The following ANKFY1 variants were observed in gnomAD, a reference collection of about 807,000 sequenced individuals.
ANKFY1 encodes the protein ankyrin repeat and FYVE domain containing 1.
ANKFY1 carries 47 observed loss-of-function variants against 128.3 expected under a neutral mutation model. The ratio of observed to expected loss-of-function variants is 0.37; its 90% CI spans 0.29 to 0.47. The LOEUF (loss-of-function observed/expected upper bound fraction) is 0.47. ANKFY1 is among the 20% of genes least tolerant of loss of function. The pLI, the probability that ANKFY1 is intolerant of heterozygous loss-of-function variation, is 1.00. For missense variants in ANKFY1, 1,222 were observed against 1,510.6 expected (o/e 0.81, Z 3.17); for synonymous variants, 553 against 601.6 (o/e 0.92, Z 1.18).
intron 4 of ANKFY1, among the ~76,000 whole-genome samples, chr17:4,214,629 G>A (rs1410799721): frequency 1.3e-5 from 2 of 150,788 alleles, no homozygotes; most frequent in Non-Finnish European, 2.9e-5. Context: ...AGGTTCAAGC[G>A]ATTCTCCTGC....
chr17:4,210,946 T>A (rs368403330), intron 4 of ANKFY1, among the ~76,000 whole-genome samples: 29 of 141,438 alleles, frequency 2.1e-4, no homozygotes, highest in African/African-American at 7.7e-4. Context: ...ACAGGAGAAT[T>A]GCTTGAACCC....
intron 1 of ANKFY1, among the ~76,000 whole-genome samples, chr17:4,244,004 T>C (rs1220890697): frequency 1.3e-5 from 2 of 151,924 alleles, no homozygotes; most frequent in Non-Finnish European, 2.9e-5. Flanking sequence ...AATCTTGGCT[T>C]ACTGCAACCT....
At position 4,230,901 on chromosome 17, in the gene ANKFY1, T is replaced by C. The variant is rs979675746; in HGVS notation, c.322+4871A>G. The stretch of plus-strand genomic sequence containing the variant: ...ATTAATACAGCTTATATAACCATAG[T>C]ACAATGATCAAAATTAGGTAACTAC... On this transcript the variant is annotated intron_variant, in intron 3 of 24. Transcript: ENST00000341657. Among the ~76,000 whole-genome samples the C allele has an allele frequency of 2.0e-5, 3 of 152,350 alleles. No individual in the cohort carries two copies. The East Asian group carries it at 5.8e-4, about 29-fold the overall frequency.
intron 4 of ANKFY1, 81 bp downstream of exon 4, chr17:4,216,902 A>C (rs968272869): frequency 1.9e-6 from 3 of 1,584,168 alleles, no homozygotes; most frequent in Non-Finnish European, 2.6e-6. Context: ...TTAGCAGAAG[A>C]AGCTGTTTTC....
intron 13 of ANKFY1, 23 bp downstream of exon 13, chr17:4,183,789 C>A (rs762730398): frequency 1.3e-6 from 2 of 1,590,808 alleles, no homozygotes; most frequent in Non-Finnish European, 8.6e-7. Flanking sequence ...CTGCAGACAT[C>A]AGCGGCCCCG....
intron 3 of ANKFY1, among the ~76,000 whole-genome samples, chr17:4,228,906 A>G (rs1449195985): frequency 6.6e-6 from 1 of 152,184 alleles, no homozygotes; most frequent in East Asian, 1.9e-4. Context: ...TCTGCAGCCA[A>G]ACTACCTAGG....
intron 3 of ANKFY1, among the ~76,000 whole-genome samples, chr17:4,230,838 G>A (rs530425296): frequency 6.6e-6 from 1 of 152,306 alleles, no homozygotes; most frequent in South Asian, 2.1e-4. Flanking sequence ...AAAAGCTGCA[G>A]AGCATCCCCA....
In ANKFY1 at chr17:4,242,250, T is replaced by C; in HGVS notation, c.203+6A>G. On this transcript the variant is annotated splice_donor_region_variant and intron_variant, in intron 2 of 24. Coordinates refer to ENST00000341657, the MANE Select transcript of ANKFY1 (RefSeq NM_001330063.2). ...AAGGGCCTTCTGTGTCTAGGAGCTCTCCCACCTGTACTGCTCCTGCTCGTA... is the reference window on the plus strand; with the variant it reads ...AAGGGCCTTCTGTGTCTAGGAGCTCCCCCACCTGTACTGCTCCTGCTCGTA... 3 of 1,524,796 alleles carry C rather than the reference T, an allele frequency of 2.0e-6. No individual in the cohort carries two copies. The highest frequency in any genetic ancestry group is 2.6e-6 in the Non-Finnish European group (3 of 1,142,406). 94.5% of individuals were successfully genotyped at this position (1,524,796 alleles called of 1,614,324 possible). A position where few individuals can be genotyped will look rare whatever the true frequency, so the allele number is the denominator to read the frequency against.
intron 17 of ANKFY1, chr17:4,179,448 C>A: frequency 1.9e-6 from 1 of 534,692 alleles, no homozygotes; most frequent in South Asian, 2.5e-5. Context: ...ATACAGTATG[C>A]GATTTGGGAC....
chr17:4,251,462 C>G (rs1439775357), intron 1 of ANKFY1, among the ~76,000 whole-genome samples: 2 of 144,870 alleles, frequency 1.4e-5, no homozygotes, highest in African/African-American at 5.1e-5. Context: ...AAAACAAAAA[C>G]AAAAAGAAAA....
chr17:4,227,339 A>G (rs2060442602), intron 3 of ANKFY1, among the ~76,000 whole-genome samples: 1 of 152,234 alleles, frequency 6.6e-6, no homozygotes, highest in Non-Finnish European at 1.5e-5. Flanking sequence ...CCAACAACAT[A>G]CATAAAAAAG....
At chr17:4,194,132 G>A (rs2059772963) in intron 10 of ANKFY1, among the ~76,000 whole-genome samples, 1 of 123,842 alleles carries the variant, frequency 8.1e-6, no homozygotes, top group Non-Finnish European at 1.6e-5. Context: ...TTTTGAGACG[G>A]AGTTTCAGTC....
At chr17:4,207,009 C>A (rs2060037184) in intron 6 of ANKFY1, among the ~76,000 whole-genome samples, 1 of 152,110 alleles carries the variant, frequency 6.6e-6, no homozygotes, top group African/African-American at 2.4e-5. Flanking sequence ...ATCCCCAGAA[C>A]CTATAAACAT....
intron 3 of ANKFY1, among the ~76,000 whole-genome samples, chr17:4,227,061 C>T (rs72829344): frequency 4.6e-5 from 7 of 152,262 alleles, no homozygotes; most frequent in Non-Finnish European, 8.8e-5. Context: ...ATACAAAATA[C>T]ATATTTTAAA....
chr17:4,169,147 T>A lies in ANKFY1; in HGVS notation c.3377+51A>T, dbSNP rs1597998757. ...CTGTCCTGGAGAAGGGGGGAAGCAATGACATCAGCGGCAGTCCCCTCGCTC... is the reference window on the plus strand; with the variant it reads ...CTGTCCTGGAGAAGGGGGGAAGCAAAGACATCAGCGGCAGTCCCCTCGCTC... On this transcript the variant is annotated intron_variant, in intron 24 of 24. Coordinates refer to ENST00000341657, the MANE Select transcript of ANKFY1 (RefSeq NM_001330063.2). This position sits in a 1 kb window ranked among gnomAD's most constrained non-coding sequence, Gnocchi z 5.0. The A allele has an allele frequency of 1.3e-6, 2 of 1,481,558 alleles. No individual in the cohort carries two copies. The highest frequency in any genetic ancestry group is 1.8e-6 in the Non-Finnish European group (2 of 1,084,722). The allele number at this position is 1,481,558 out of a possible 1,614,324, so 91.8% of individuals were successfully genotyped here.
At position 4,195,047 on chromosome 17, in the gene ANKFY1, C is replaced by G. The variant is rs1421631605; in HGVS notation, c.1303G>C (p.Asp435His). The G allele has an allele frequency of 6.2e-7, 1 of 1,614,178 alleles. No individual in the cohort carries two copies. Among genetic ancestry groups the G allele is most frequent in the East Asian group, 2.2e-5 (1 of 44,888 alleles). The change falls in exon 10 of 25, where the codon GAT becomes CAT. Residue 435 changes from aspartate to histidine, a missense_variant. Asp to His is a moderately conservative substitution (Grantham distance 81). Transcript: ENST00000341657. Reference protein sequence around the residue: ...DVPVVNGTSFDENSFAARLIQ... With the variant: ...DVPVVNGTSFHENSFAARLIQ... ...AGTCTGGCTGCAAAGCTGTTCTCATCAAATGAAGTCCCATTTACCACGGGG... is the reference window on the plus strand; with the variant it reads ...AGTCTGGCTGCAAAGCTGTTCTCATGAAATGAAGTCCCATTTACCACGGGG...
chr17:4,240,858 C>T (rs956622544), intron 2 of ANKFY1, among the ~76,000 whole-genome samples: 2 of 152,310 alleles, frequency 1.3e-5, no homozygotes, highest in Non-Finnish European at 2.9e-5. Flanking sequence ...GGGCAAGTAC[C>T]CTAAACTGGC....
chr17:4,223,802 T>C, intron 3 of ANKFY1: 1 of 1,478,742 alleles, frequency 6.8e-7, no homozygotes, highest in African/African-American at 1.4e-5. Context: ...TCTCACAGTT[T>C]CATGCAGGCC....
chr17:4,196,790 C>G (rs1471212844), intron 8 of ANKFY1, among the ~76,000 whole-genome samples: 1 of 152,224 alleles, frequency 6.6e-6, no homozygotes, highest in Non-Finnish European at 1.5e-5. Context: ...AGGCACTGGA[C>G]TAGATGACCA....
Sources: allele counts gnomAD v4.1 joint callset (sites outside exome capture counted in the v4.1 genomes callset), GRCh38; gene constraint gnomAD v4.1.1; non-coding constraint Gnocchi (gnomAD v3.1); transcripts MANE v1.5; gene names NCBI Gene and HGNC (gene_info 2026-07-23, HGNC 2026-07-21).